Variants in LNX2 observed in about 807,000 individuals in gnomAD.
The protein encoded by LNX2 is ligand of Numb protein X 2.
LNX2 carries 35 observed loss-of-function variants against 66.2 expected under a neutral mutation model. The ratio of observed to expected loss-of-function variants is 0.53; its 90% CI spans 0.40 to 0.70. The LOEUF is 0.70. LNX2 is among the 30% of genes least tolerant of loss of function. The pLI is 0.00. For synonymous variants in LNX2, 337 were observed against 315.6 expected (o/e 1.07, Z -0.72); for missense variants, 791 against 850.8 (o/e 0.93, Z 0.87).
Position 27,583,255 on chromosome 13 carries a change from T to TGCGTGCGCGCGCGCGC in LNX2, c.-100-1453_-100-1452insGCGCGCGCGCGCACGC, listed in dbSNP as rs1555268513. 2.7e-4 allele frequency among the ~76,000 whole-genome samples: 16 copies of TGCGTGCGCGCGCGCGC among 58,530 alleles called. 5 individuals carry two copies. Among genetic ancestry groups the TGCGTGCGCGCGCGCGC allele is most frequent in the Middle Eastern group, 0.022 (2 of 90 alleles). 38.4% of individuals were successfully genotyped at this position (58,530 alleles called of 152,430 possible). On this transcript the variant is annotated intron_variant, in intron 1 of 9. Transcript: ENST00000316334. ...GTGTGTGTGTGTGTGTGTGTGTGTG[T>TGCGTGCGCGCGCGCGC]GCGCGCGTCCTCTCCAACATACTTA...
In LNX2 at chr13:27,553,202, C is replaced by T; in HGVS notation, c.1778+6G>A. ...TTCCATAAAGCAACAAGAAAGCGCT[C>T]AGTACCTGGGAAGCCCAAGCCACAT... is the stretch of plus-strand genomic sequence containing the variant. On this transcript the variant is annotated splice_donor_region_variant and intron_variant, in intron 8 of 9. Coordinates refer to ENST00000316334, the MANE Select transcript of LNX2 (RefSeq NM_153371.4). 1 of 1,612,518 alleles carries T rather than the reference C, an allele frequency of 6.2e-7. No individual in the cohort carries two copies. Among genetic ancestry groups the T allele is most frequent in the Non-Finnish European group, 8.5e-7 (1 of 1,178,614 alleles).
At chr13:27,591,253 G>T (rs1249085985) in intron 1 of LNX2, among the ~76,000 whole-genome samples, 5 of 152,116 alleles carry the variant, frequency 3.3e-5, no homozygotes, top group African/African-American at 1.2e-4. Context: ...AAAATACATT[G>T]TAATTCATTA....
chr13:27,595,453 C>A, intron 1 of LNX2, among the ~76,000 whole-genome samples: 1 of 148,044 alleles, frequency 6.8e-6, no homozygotes, highest in East Asian at 1.9e-4. Context: ...TAATAATAAA[C>A]CTGAGGAAAG....
intron 6 of LNX2, among the ~76,000 whole-genome samples, chr13:27,559,014 T>A (rs1381893163): frequency 1.3e-5 from 2 of 152,162 alleles, no homozygotes; most frequent in African/African-American, 4.8e-5. Flanking sequence ...CTCTGGTAGG[T>A]CACATTTAGC....
At chr13:27,611,842 C>T (rs926969939) in intron 1 of LNX2, among the ~76,000 whole-genome samples, 1 of 152,048 alleles carries the variant, frequency 6.6e-6, no homozygotes, top group African/African-American at 2.4e-5. Context: ...AAATGTTATG[C>T]TTTAAGAACA....
intron 1 of LNX2, among the ~76,000 whole-genome samples, chr13:27,619,848 C>G (rs1453036797): frequency 6.6e-6 from 1 of 152,216 alleles, no homozygotes; most frequent in African/African-American, 2.4e-5. Context: ...TCAAATCTCT[C>G]TCCCACCCTC....
intron 1 of LNX2, among the ~76,000 whole-genome samples, chr13:27,596,536 C>T (rs1955600907): frequency 6.6e-6 from 1 of 152,114 alleles, no homozygotes; most frequent in Non-Finnish European, 1.5e-5. Flanking sequence ...TACCGCCAGC[C>T]CTAGACCAAT....
intron 4 of LNX2, among the ~76,000 whole-genome samples, chr13:27,566,412 A>G (rs1955206577): frequency 6.6e-6 from 1 of 152,210 alleles, no homozygotes; most frequent in African/African-American, 2.4e-5. Flanking sequence ...CAACTAGTAT[A>G]GTGCCTAGAA....
In LNX2 at chr13:27,556,424, C is replaced by A. The variant is rs763875234; in HGVS notation, c.1369-11G>T. The A allele has an allele frequency of 9.4e-6, 15 of 1,603,936 alleles. No homozygotes were observed. The highest frequency in any genetic ancestry group is 6.9e-5 in the Admixed American group (4 of 58,038). ...ACACTGAGTAAGATCCTAAAACATA[C>A]AAGAAAAAAATCATTGGATAATGAA... On this transcript the variant is annotated splice_polypyrimidine_tract_variant and intron_variant, in intron 6 of 9. Coordinates refer to ENST00000316334, the MANE Select transcript of LNX2 (RefSeq NM_153371.4).
In LNX2 at chr13:27,581,467, T is replaced by C; in HGVS notation, c.237A>G (p.Gln79=). ...GGTCCAACGGACAGAAATCTTTCTCTTGTAAAAAGTTTCTGAGGCACTTGT... is the reference window on the plus strand; with the variant it reads ...GGTCCAACGGACAGAAATCTTTCTCCTGTAAAAAGTTTCTGAGGCACTTGT... ...FCYKCLRNFL[Q]EKDFCPLDRK... is the part of the protein sequence containing the mutation. The change falls in exon 2 of 10, where the codon CAA becomes CAG. Residue 79 remains glutamine (Q), a synonymous_variant. Transcript: ENST00000316334. 1 of 1,611,084 alleles carries C rather than the reference T, an allele frequency of 6.2e-7. No homozygotes were observed.
intron 6 of LNX2, among the ~76,000 whole-genome samples, chr13:27,556,821 G>T (rs999970167): frequency 2.6e-5 from 4 of 152,170 alleles, no homozygotes; most frequent in Non-Finnish European, 4.4e-5. Flanking sequence ...AAAGTTGACA[G>T]AGTAGTACAA....
intron 1 of LNX2, among the ~76,000 whole-genome samples, chr13:27,600,830 C>A (rs1566131146): frequency 6.6e-6 from 1 of 152,136 alleles, no homozygotes; most frequent in Non-Finnish European, 1.5e-5. Context: ...CTATGCTGAA[C>A]CAATCACAGT....
intron 8 of LNX2, among the ~76,000 whole-genome samples, chr13:27,551,976 T>C (rs1035556128): frequency 6.6e-6 from 1 of 152,156 alleles, no homozygotes. Flanking sequence ...CACATGGCTG[T>C]TGAATATAGC....
intron 1 of LNX2, among the ~76,000 whole-genome samples, chr13:27,587,545 G>A (rs1204719108): frequency 6.6e-6 from 1 of 152,056 alleles, no homozygotes. Flanking sequence ...GTGCATTTGT[G>A]GCACTTCAAA....
chr13:27,584,561 C>T (rs1279875639), intron 1 of LNX2, among the ~76,000 whole-genome samples: 1 of 151,768 alleles, frequency 6.6e-6, no homozygotes, highest in Non-Finnish European at 1.5e-5. Context: ...TGGTGCATGG[C>T]TGTAGTCCCA....
In LNX2 at chr13:27,562,583, CA is replaced by C; in HGVS notation, c.1053del (p.Gly352AlafsTer30). ...TCTGTCCTTCGCACCAATTTAATGCCAAGCTGTTCACCAGAGTCCCGTTTAT... is the reference window on the plus strand; with the variant it reads ...TCTGTCCTTCGCACCAATTTAATGCCAGCTGTTCACCAGAGTCCCGTTTAT... ...ALHKRDSGEQLGIKLVRRTDE... is the reference protein window; with the variant it reads ...ALHKRDSGEQXGIKLVRRTDE... On this transcript the variant is annotated frameshift_variant, in exon 5 of 10. Coordinates refer to ENST00000316334, the MANE Select transcript of LNX2 (RefSeq NM_153371.4). LOFTEE classifies it high-confidence loss of function. 1 of 1,614,144 alleles carries C rather than the reference CA, an allele frequency of 6.2e-7. No homozygotes were observed. The highest frequency in any genetic ancestry group is 8.5e-7 in the Non-Finnish European group (1 of 1,180,030).
rs1955024912 is a variant in LNX2 at position 27,553,247 on chromosome 13, C to A, written c.1739G>T (p.Ser580Ile). ...CCACATGACCCATGATGGGGACCAA[C>A]TGGCATCATACTCATTTTCGCTGAA... ...STFSENEYDA[S>I]WSPSWVMWLG... is the part of the protein sequence containing the mutation. The change falls in exon 8 of 10, where the codon AGT becomes ATT. Residue 580 changes from serine (S) to isoleucine (I), a missense_variant. Transcript: ENST00000316334. 3.7e-6 allele frequency: 6 copies of A among 1,614,014 alleles called. No individual in the cohort carries two copies. The African/African-American group carries it at 4.0e-5, about 11-fold the overall frequency.
chr13:27,604,864 T>C (rs2138461963), intron 1 of LNX2, among the ~76,000 whole-genome samples: 1 of 151,636 alleles, frequency 6.6e-6, no homozygotes, highest in South Asian at 2.1e-4. Context: ...AATTTTTTTT[T>C]TTTTTTGCCC....
intron 1 of LNX2, among the ~76,000 whole-genome samples, chr13:27,602,443 T>C (rs540147295): frequency 1.3e-5 from 2 of 152,184 alleles, no homozygotes; most frequent in African/African-American, 4.8e-5. Context: ...TTTTGACTAT[T>C]CTAGAGTATC....
Sources: gnomAD v4.1 joint callset for allele counts (sites outside exome capture counted in the v4.1 genomes callset) on GRCh38, gnomAD v4.1.1 for gene constraint, MANE v1.5 for transcripts, NCBI Gene and HGNC (gene_info 2026-07-23, HGNC 2026-07-21) for gene names.